Variants in SLC24A3 observed in about 807,000 individuals in gnomAD.
SLC24A3 encodes the protein sodium/potassium/calcium exchanger 3.
A neutral mutation model predicts 75.8 loss-of-function variants in SLC24A3; 28 were observed. The observed-to-expected ratio is 0.37, with a 90% CI of 0.27 to 0.51. The LOEUF (loss-of-function observed/expected upper bound fraction) is 0.51, where lower values mean the gene tolerates loss of function less well. Ranked by LOEUF, SLC24A3 falls within the 20% of genes least tolerant of loss-of-function variation. The probability of loss-of-function intolerance (pLI) is 0.94; values close to 1 mark genes in which losing one functional copy is unlikely to be tolerated. For missense variants in SLC24A3, 663 were observed against 847.8 expected (o/e 0.78, Z 2.71); for synonymous variants, 372 against 334.1 (o/e 1.11, Z -1.24).
intron 2 of SLC24A3, among the ~76,000 whole-genome samples, chr20:19,325,003 C>T (rs995588236): frequency 2.7e-5 from 4 of 148,430 alleles, no homozygotes; most frequent in African/African-American, 2.5e-5. Context: ...GGTGAATGGA[C>T]GGTAGATGGT....
intron 3 of SLC24A3, among the ~76,000 whole-genome samples, chr20:19,532,278 A>G (rs1016401616): frequency 2.0e-5 from 3 of 152,216 alleles, no homozygotes; most frequent in Non-Finnish European, 4.4e-5. Context: ...GTCAAGCACA[A>G]AGCAGGGCTG....
intron 2 of SLC24A3, among the ~76,000 whole-genome samples, chr20:19,444,903 A>G (rs1449226870): frequency 6.8e-6 from 1 of 147,014 alleles, no homozygotes; most frequent in East Asian, 2.0e-4. Flanking sequence ...TGTTGTTTTT[A>G]CTTTCCTAAA....
In SLC24A3 at chr20:19,698,727, A is replaced by G. The variant is rs765451680; in HGVS notation, c.1719+47A>G. The G allele has an allele frequency of 5.5e-6, 8 of 1,443,326 alleles. No homozygotes were observed. In the South Asian group the frequency reaches 9.8e-5, roughly 18 times the overall value. The allele number at this position is 1,443,326 out of a possible 1,614,324, so 89.4% of individuals were successfully genotyped here. A position where few individuals can be genotyped will look rare whatever the true frequency, so the allele number is the denominator to read the frequency against. On this transcript the variant is annotated intron_variant, in intron 15 of 16. Transcript: ENST00000328041. ...TTCTCCTGAAATCCAGGGCTACGTG[A>G]CTGTGTTTTAACAGCCTTGGCCACA...
chr20:19,236,628 T>C (rs1982174775), intron 1 of SLC24A3, among the ~76,000 whole-genome samples: 2 of 152,134 alleles, frequency 1.3e-5, no homozygotes, highest in Non-Finnish European at 2.9e-5. Flanking sequence ...TGGTGGTGCA[T>C]GCCTGTATTC....
intron 6 of SLC24A3, among the ~76,000 whole-genome samples, chr20:19,649,997 G>C (rs548865004): frequency 6.6e-6 from 1 of 152,154 alleles, no homozygotes; most frequent in Non-Finnish European, 1.5e-5. Context: ...GTGGTGAATG[G>C]TGGTGTCAGA....
intron 2 of SLC24A3, among the ~76,000 whole-genome samples, chr20:19,496,689 G>A (rs564467979): frequency 3.2e-4 from 49 of 152,260 alleles, no homozygotes; most frequent in African/African-American, 1.1e-3. Flanking sequence ...TCAGGAAAAG[G>A]TAGGAGGTCA....
intron 2 of SLC24A3, among the ~76,000 whole-genome samples, chr20:19,338,867 A>G (rs980119365): frequency 6.6e-6 from 1 of 152,232 alleles, no homozygotes. Flanking sequence ...GATTATTTTT[A>G]TGACTCTGAC....
intron 1 of SLC24A3, chr20:19,213,244 C>T (rs1011907973): frequency 1.6e-5 from 4 of 252,388 alleles, no homozygotes; most frequent in Non-Finnish European, 3.0e-5. Context: ...CCCGCCTGTG[C>T]GCTGCTTACT....
chr20:19,590,895 G>A (rs2031365512), intron 6 of SLC24A3, among the ~76,000 whole-genome samples: 1 of 152,186 alleles, frequency 6.6e-6, no homozygotes, highest in Admixed American at 6.5e-5. Context: ...GACCAAGCGT[G>A]GCCCTGGATG....
At chr20:19,687,469 A>G (rs1348455014) in intron 12 of SLC24A3, among the ~76,000 whole-genome samples, 3 of 152,318 alleles carry the variant, frequency 2.0e-5, no homozygotes, top group Admixed American at 1.3e-4. Context: ...TGAGAATCTT[A>G]GGGACCTGTG....
chr20:19,310,833 T>C (rs932662584), intron 2 of SLC24A3, among the ~76,000 whole-genome samples: 2 of 152,234 alleles, frequency 1.3e-5, no homozygotes, highest in East Asian at 1.9e-4. Context: ...ATTCAACTTT[T>C]GGGGGAAAGG....
At chr20:19,237,762 T>A (rs1251556397) in intron 1 of SLC24A3, among the ~76,000 whole-genome samples, 1 of 152,178 alleles carries the variant, frequency 6.6e-6, no homozygotes, top group Admixed American at 6.5e-5. Context: ...TATGCAGCTC[T>A]CATGAGGGGC....
At chr20:19,458,677 T>TC (rs1323255494) in intron 2 of SLC24A3, among the ~76,000 whole-genome samples, 1 of 152,226 alleles carries the variant, frequency 6.6e-6, no homozygotes, top group Non-Finnish European at 1.5e-5. Flanking sequence ...TTGTAGCATG[T>TC]CTCAGCAAGT....
chr20:19,704,168 G>A (rs887438962), intron 15 of SLC24A3, among the ~76,000 whole-genome samples: 3 of 125,346 alleles, frequency 2.4e-5, no homozygotes, highest in African/African-American at 6.4e-5. Context: ...GATGGATGGA[G>A]AGATGGATGG....
At chr20:19,434,389 C>T (rs1161582157) in intron 2 of SLC24A3, among the ~76,000 whole-genome samples, 1 of 152,186 alleles carries the variant, frequency 6.6e-6, no homozygotes, top group Non-Finnish European at 1.5e-5. Context: ...TGAGTCTGAG[C>T]ACATGGTGGG....
At chr20:19,655,867 A>G (rs1021466276) in intron 7 of SLC24A3, among the ~76,000 whole-genome samples, 1 of 152,080 alleles carries the variant, frequency 6.6e-6, no homozygotes, top group Non-Finnish European at 1.5e-5. Flanking sequence ...CTCAGCCTCC[A>G]TTGTACTGTG....
intron 2 of SLC24A3, among the ~76,000 whole-genome samples, chr20:19,459,894 A>G (rs1987641181): frequency 6.6e-6 from 1 of 152,186 alleles, no homozygotes; most frequent in Admixed American, 6.5e-5. Flanking sequence ...TACCTCTCAA[A>G]TATCAATTGT....
intron 3 of SLC24A3, among the ~76,000 whole-genome samples, chr20:19,540,485 C>T (rs1265156016): frequency 1.3e-5 from 2 of 152,210 alleles, no homozygotes; most frequent in Admixed American, 1.3e-4. Flanking sequence ...CTTGGAAACG[C>T]AAAAGCTGTT....
chr20:19,574,392 T>A (rs2031099442), intron 3 of SLC24A3, among the ~76,000 whole-genome samples: 1 of 152,244 alleles, frequency 6.6e-6, no homozygotes. Flanking sequence ...GCCACAATAA[T>A]GCTGCATAAC....
Sources: allele counts gnomAD v4.1 joint callset (sites outside exome capture counted in the v4.1 genomes callset), GRCh38; gene constraint gnomAD v4.1.1; transcripts MANE v1.5; gene names NCBI Gene and HGNC (gene_info 2026-07-23, HGNC 2026-07-21).